Variants in MOB2 observed in about 807,000 individuals in gnomAD.
MOB2 encodes MOB2 Mps One Binder homolog.
Under a neutral mutation model 27.4 loss-of-function variants are expected in MOB2, and 14 were observed. The ratio of observed to expected loss-of-function variants is 0.51; its 90% confidence interval spans 0.34 to 0.80. MOB2 has a LOEUF of 0.80. MOB2 is among the 30% of genes least tolerant of loss of function. MOB2 has a pLI of 0.01. For missense variants in MOB2, 304 were observed against 354.6 expected (o/e 0.86, Z 1.15); for synonymous variants, 167 against 151.8 (o/e 1.10, Z -0.74).
At chr11:1,473,298 AC>A (rs1364860733) in intron 3 of MOB2, 1 of 152,322 alleles carries the variant, frequency 6.6e-6, no homozygotes, top group Non-Finnish European at 1.5e-5. Flanking sequence ...TGCAGGCCTC[AC>A]CGTGGGCATC....
At chr11:1,478,943 G>A (rs1847881526) in intron 3 of MOB2, among the ~76,000 whole-genome samples, 1 of 152,202 alleles carries the variant, frequency 6.6e-6, no homozygotes, top group Non-Finnish European at 1.5e-5. Flanking sequence ...CTTAGTTTGA[G>A]TGGATTTCTG....
intron 3 of MOB2, among the ~76,000 whole-genome samples, chr11:1,477,545 T>C (rs1207870931): frequency 1.3e-5 from 2 of 152,140 alleles, no homozygotes; most frequent in East Asian, 1.9e-4. Flanking sequence ...AGAACGCTCA[T>C]GAACAGAACT....
chr11:1,479,652 A>G (rs1847888148), intron 3 of MOB2, among the ~76,000 whole-genome samples: 1 of 152,244 alleles, frequency 6.6e-6, no homozygotes, highest in African/African-American at 2.4e-5. Flanking sequence ...CAGGGCCAGG[A>G]AAGCCATGTC....
chr11:1,486,498 T>G lies in MOB2; in HGVS notation c.59A>C (p.Gln20Pro), dbSNP rs1174723912. ...CACCATTTTGCAGCAGAGTCCACTT[T>G]GCAGGGACTGGCCGGGCCGGGCTTG... is the stretch of plus-strand genomic sequence containing the variant. The part of the protein sequence containing the change: ...EDQARPGQSL[Q>P]SGLCCKMVLQ... Residue 20 changes from glutamine (Q) to proline (P), a missense_variant, in exon 1 of 5, where the codon CAA (glutamine) becomes CCA (proline). By Grantham distance (76) the Gln-to-Pro change is moderately conservative. Coordinates refer to ENST00000329957, the MANE Select transcript of MOB2 (RefSeq NM_001172223.3). 1 of 1,535,768 alleles carries G rather than the reference T, an allele frequency of 6.5e-7. No individual in the cohort carries two copies. The highest frequency in any genetic ancestry group is 8.7e-7 in the Non-Finnish European group (1 of 1,146,834).
intron 3 of MOB2, among the ~76,000 whole-genome samples, chr11:1,478,752 G>A (rs541718914): frequency 4.3e-4 from 65 of 152,106 alleles, no homozygotes; most frequent in Non-Finnish European, 7.9e-4. Context: ...ATGTGTTTCC[G>A]GCCCCGCCCC....
In MOB2 at chr11:1,475,056, C is replaced by T. The variant is rs560061542; in HGVS notation, c.366-3637G>A. 3.3e-5 allele frequency among the ~76,000 whole-genome samples: 5 copies of T among 152,328 alleles called. No homozygotes were observed. In the South Asian group the frequency reaches 6.2e-4, roughly 19 times the overall value. On this transcript the variant is annotated intron_variant, in intron 3 of 4. Coordinates refer to ENST00000329957, the MANE Select transcript of MOB2 (RefSeq NM_001172223.3). ...TTGGAGTCATCTTCCAGGTGATAAA[C>T]GCAGTGCGTCTCTCCATTTATGTAG...
At chr11:1,486,162 C>T (rs1489166207) in intron 1 of MOB2, among the ~76,000 whole-genome samples, 1 of 152,266 alleles carries the variant, frequency 6.6e-6, no homozygotes, top group Non-Finnish European at 1.5e-5. Flanking sequence ...CCAAGACCCG[C>T]TCCTCTCCCA....
At chr11:1,480,914 A>G in intron 1 of MOB2, 29 bp from the exon 2 acceptor site, 2 of 1,548,960 alleles carry the variant, frequency 1.3e-6, no homozygotes, top group Non-Finnish European at 1.7e-6. Context: ...CGGTGTGGTC[A>G]CTACACGCCC....
At chr11:1,475,486 G>T (rs1847842564) in intron 3 of MOB2, among the ~76,000 whole-genome samples, 1 of 152,316 alleles carries the variant, frequency 6.6e-6, no homozygotes, top group South Asian at 2.1e-4. Flanking sequence ...TTGATTGACT[G>T]AGATAGGGTC....
At chr11:1,473,007 C>T in intron 3 of MOB2, 1 of 153,278 alleles carries the variant, frequency 6.5e-6, no homozygotes, top group Non-Finnish European at 1.5e-5. Context: ...GCAAGCCCTG[C>T]ATGCTGGCAC....
intron 3 of MOB2, among the ~76,000 whole-genome samples, chr11:1,478,487 T>C (rs1294947714): frequency 1.3e-5 from 2 of 152,178 alleles, no homozygotes; most frequent in Non-Finnish European, 2.9e-5. Flanking sequence ...TGTGTGGGGC[T>C]TCCTTCTTCC....
chr11:1,483,756 G>A (rs1214519758), intron 1 of MOB2, among the ~76,000 whole-genome samples: 3 of 152,202 alleles, frequency 2.0e-5, no homozygotes, highest in Non-Finnish European at 2.9e-5. Context: ...TACCCATGAC[G>A]TGCCAGTCGG....
rs1305013095 is a variant in MOB2 at position 1,470,391 on chromosome 11, C to G, written c.588G>C (p.Glu196Asp). The change falls in exon 5 of 5, where the codon GAG becomes GAC. Residue 196 changes from glutamate (E) to aspartate (D), a missense_variant. By Grantham distance (45) the Glu-to-Asp change is conservative. Coordinates refer to ENST00000329957, the MANE Select transcript of MOB2 (RefSeq NM_001172223.3). ...GTCCGTGCAGCTCCAGGGCCAGCGT[C>G]TCCTTGAAGTGGGCCCAGTAGATGT... The part of the protein sequence containing the change: ...LAHIYWAHFK[E>D]TLALELHGHL... 6.2e-7 allele frequency: 1 copy of G among 1,613,614 alleles called. No individual in the cohort carries two copies. Among genetic ancestry groups the G allele is most frequent in the Non-Finnish European group, 8.5e-7 (1 of 1,179,904 alleles).
intron 4 of MOB2, 80 bp downstream of exon 4, chr11:1,471,215 A>G (rs4881724): frequency 0.89 from 1,353,244 of 1,513,286 alleles, 605,854 homozygotes; most frequent in East Asian, 1. Flanking sequence ...CCGGCACAGG[A>G]GCTTGGTCAC....
intron 3 of MOB2, among the ~76,000 whole-genome samples, chr11:1,473,908 G>A (rs555640851): frequency 8.7e-4 from 132 of 152,376 alleles, no homozygotes; most frequent in Admixed American, 1.6e-3. Flanking sequence ...CGCACCGCGC[G>A]GATCCTCCCG....
Position 1,480,775 on chromosome 11 carries a change from A to C in MOB2, c.221T>G (p.Leu74Arg). ...GTCAATCTCGCGGGGCAGCACCACC[A>C]GCTCCTTGAACTGGAAGTCGGTGAT... ...ARITDFQFKELVVLPREIDLN... is the reference protein window; with the variant it reads ...ARITDFQFKERVVLPREIDLN... Residue 74 changes from leucine to arginine, a missense_variant, in exon 2 of 5, where the codon CTG becomes CGG. Physicochemically the swap from Leu to Arg is moderately radical, Grantham distance 102 (BLOSUM62 -2). Coordinates refer to ENST00000329957, the MANE Select transcript of MOB2 (RefSeq NM_001172223.3). 6.2e-7 allele frequency: 1 copy of C among 1,604,660 alleles called. No individual in the cohort carries two copies. The highest frequency in any genetic ancestry group is 8.5e-7 in the Non-Finnish European group (1 of 1,176,156).
At chr11:1,472,981 G>T in intron 3 of MOB2, 1 of 153,288 alleles carries the variant, frequency 6.5e-6, no homozygotes, top group Non-Finnish European at 1.5e-5. Flanking sequence ...TTACCAAGAA[G>T]CTAGAGGATG....
intron 3 of MOB2, among the ~76,000 whole-genome samples, chr11:1,474,295 T>C (rs1389831427): frequency 6.6e-6 from 1 of 152,242 alleles, no homozygotes; most frequent in African/African-American, 2.4e-5. Flanking sequence ...TGTATGTTCT[T>C]TATGTATTCT....
At chr11:1,480,997 G>T in intron 1 of MOB2, 112 bp from the exon 2 acceptor site, 1 of 1,319,938 alleles carries the variant, frequency 7.6e-7, no homozygotes, top group Non-Finnish European at 1.0e-6. Flanking sequence ...CGAGCCCATC[G>T]GGGCGACACT....
Sources: allele counts gnomAD v4.1 joint callset (sites outside exome capture counted in the v4.1 genomes callset), GRCh38; gene constraint gnomAD v4.1.1; transcripts MANE v1.5; gene names NCBI Gene and HGNC (gene_info 2026-07-23, HGNC 2026-07-21).